C4orf17: variants seen among roughly 807,000 people sequenced by gnomAD.
C4orf17 encodes the protein chromosome 4 open reading frame 17.
A neutral mutation model predicts 32.0 loss-of-function variants in C4orf17; 25 were observed. That is an observed-to-expected ratio of 0.78 (90% CI 0.57 to 1.09). The LOEUF is 1.09. Among genes scored for constraint, C4orf17 ranks in the 50% least tolerant of loss-of-function variants. C4orf17 has a pLI of 0.00. For missense variants in C4orf17, 420 were observed against 420.0 expected (o/e 1.00, Z 0.00); for synonymous variants, 149 against 145.8 (o/e 1.02, Z -0.16).
Position 99,513,135 on chromosome 4 carries a change from T to C in C4orf17, c.54T>C (p.His18=), listed in dbSNP as rs762572541. 1.9e-6 allele frequency: 3 copies of C among 1,613,832 alleles called. No homozygotes were observed. The highest frequency in any genetic ancestry group is 2.5e-6 in the Non-Finnish European group (3 of 1,179,826). Residue 18 remains histidine, a synonymous_variant, in exon 2 of 9, where the codon CAT becomes CAC. Coordinates refer to ENST00000326581, the MANE Select transcript of C4orf17 (RefSeq NM_032149.3). ...TTCAGATCGAGGGCAAAGGCAGCCA[T>C]ATTATGGCTAGAAATGTAAGCTGCT... ...SALQIEGKGS[H]IMARNVSCFL...
intron 2 of C4orf17, among the ~76,000 whole-genome samples, chr4:99,520,432 A>G (rs1264638666): frequency 6.6e-6 from 1 of 152,134 alleles, no homozygotes; most frequent in Non-Finnish European, 1.5e-5. Flanking sequence ...TTTTTTTCCT[A>G]TGAAAAACAA....
chr4:99,517,207 AT>A lies in C4orf17; in HGVS notation c.127+4003del, dbSNP rs571943561. Among the ~76,000 whole-genome samples the A allele has an allele frequency of 3.8e-3, 572 of 152,278 alleles. 3 individuals carry two copies. The highest frequency in any genetic ancestry group is 0.027 in the Middle Eastern group (8 of 294). On this transcript the variant is annotated intron_variant, in intron 2 of 8. Transcript: ENST00000326581. ...TTCGCAAAATTCTCTTTACATTTTC[AT>A]TTTACCAGCACACGGCAGGTCTCAT... is the stretch of plus-strand genomic sequence containing the variant.
At chr4:99,536,602 AAC>A (rs1723566450) in intron 5 of C4orf17, among the ~76,000 whole-genome samples, 1 of 152,094 alleles carries the variant, frequency 6.6e-6, no homozygotes, top group African/African-American at 2.4e-5. Context: ...AGTTGACCAA[AAC>A]ACAGATATGC....
chr4:99,524,611 CTATT>C lies in C4orf17; in HGVS notation c.402+29_402+32del, dbSNP rs1578190790. The stretch of plus-strand genomic sequence containing the variant: ...GTAAGGAACAGCTATTTACTGCTAT[CTATT>C]TAGTTTGACTTCTATAAGTTCCTCT... On this transcript the variant is annotated intron_variant, in intron 4 of 8. Coordinates refer to ENST00000326581, the MANE Select transcript of C4orf17 (RefSeq NM_032149.3). The C allele has an allele frequency of 7.1e-6, 8 of 1,127,374 alleles. No individual in the cohort carries two copies. In the East Asian group the frequency reaches 2.0e-4, roughly 28 times the overall value. 69.8% of individuals were successfully genotyped at this position (1,127,374 alleles called of 1,614,324 possible).
chr4:99,522,524 C>T lies in C4orf17; in HGVS notation c.152C>T (p.Thr51Ile). 3 of 1,613,578 alleles carry T rather than the reference C, an allele frequency of 1.9e-6. No homozygotes were observed. The highest frequency in any genetic ancestry group is 2.5e-6 in the Non-Finnish European group (3 of 1,179,646). Residue 51 changes from threonine (T) to isoleucine (I), a missense_variant, in exon 3 of 9, where the codon ACT becomes ATT. Physicochemically the swap from Thr to Ile is moderately conservative, Grantham distance 89. Transcript: ENST00000326581. ...GGCTTGAATAACATTCCAATCTGTA[C>T]TGTGAATGATGATGAGAATGCATTT... is the stretch of plus-strand genomic sequence containing the variant. ...IKGLNNIPIC[T>I]VNDDENAFGT... is the part of the protein sequence containing the mutation.
chr4:99,528,298 G>T (rs1723423711), intron 4 of C4orf17, among the ~76,000 whole-genome samples: 1 of 151,872 alleles, frequency 6.6e-6, no homozygotes, highest in African/African-American at 2.4e-5. Context: ...ATGATTTTTT[G>T]ATTCTCTATG....
At chr4:99,515,816 G>T (rs1467398933) in intron 2 of C4orf17, among the ~76,000 whole-genome samples, 4 of 151,964 alleles carry the variant, frequency 2.6e-5, no homozygotes, top group African/African-American at 9.6e-5. Flanking sequence ...AAAAAGTCAT[G>T]ATACAAATAA....
intron 4 of C4orf17, among the ~76,000 whole-genome samples, chr4:99,527,165 T>C (rs1453978050): frequency 6.6e-6 from 1 of 152,178 alleles, no homozygotes; most frequent in African/African-American, 2.4e-5. Flanking sequence ...ATGGGTTACT[T>C]AAAATCATAT....
At chr4:99,528,996 AT>A (rs1723435474) in intron 4 of C4orf17, among the ~76,000 whole-genome samples, 2 of 152,160 alleles carry the variant, frequency 1.3e-5, no homozygotes, top group Non-Finnish European at 2.9e-5. Context: ...CTGTGTTACT[AT>A]TTTTCCATAA....
At position 99,522,586 on chromosome 4, in the gene C4orf17, G is replaced by C. The variant is rs774489219; in HGVS notation, c.214G>C (p.Glu72Gln). The change falls in exon 3 of 9, where the codon GAG (glutamate) becomes CAG (glutamine). Residue 72 changes from glutamate (E) to glutamine (Q), a missense_variant. Transcript: ENST00000326581. ...LWGVGQSNYLEKNRIPFANCS... is the reference protein window; with the variant it reads ...LWGVGQSNYLQKNRIPFANCS... ...GGGAGTTGGCCAGTCTAACTACTTA[G>C]AGAAGAACAGGATACCATTTGCCAA... is the stretch of plus-strand genomic sequence containing the variant. 6.2e-7 allele frequency: 1 copy of C among 1,613,984 alleles called. No individual in the cohort carries two copies. The highest frequency in any genetic ancestry group is 8.5e-7 in the Non-Finnish European group (1 of 1,179,908).
intron 2 of C4orf17, among the ~76,000 whole-genome samples, chr4:99,514,400 A>G (rs1723144172): frequency 6.6e-6 from 1 of 150,552 alleles, no homozygotes; most frequent in Admixed American, 6.6e-5. Flanking sequence ...ACTCAAACAA[A>G]TCAGCAAGAA....
In C4orf17 at chr4:99,540,362, AC is replaced by A. The variant is rs778774184; in HGVS notation, c.837-49del. 6.8e-5 allele frequency: 92 copies of A among 1,348,204 alleles called. 2 individuals carry two copies. Among genetic ancestry groups the A allele is most frequent in the South Asian group, 4.6e-4 (39 of 84,102 alleles). The allele number at this position is 1,348,204 out of a possible 1,614,324, so 83.5% of individuals were successfully genotyped here. Reference sequence around the variant, plus strand: ...GATGACAGTGTAGTCTATAGAAAATACTTTTTTGTATCTGTGAAATTCACTT... The same window carrying A: ...GATGACAGTGTAGTCTATAGAAAATATTTTTTGTATCTGTGAAATTCACTT... On this transcript the variant is annotated intron_variant, in intron 7 of 8. Transcript: ENST00000326581.
Position 99,526,122 on chromosome 4 carries a change from T to C in C4orf17, c.402+1537T>C, listed in dbSNP as rs148489397. On this transcript the variant is annotated intron_variant, in intron 4 of 8. Transcript: ENST00000326581. ...TTCAGACTTTCACCATTAAATATTA[T>C]GTTCATATTAGTGGATGACCTTTAT... Among the ~76,000 whole-genome samples the C allele has an allele frequency of 2.8e-3, 426 of 152,340 alleles. 1 individual carries two copies. Among genetic ancestry groups the C allele is most frequent in the Middle Eastern group, 6.8e-3 (2 of 294 alleles).
chr4:99,512,742 C>G (rs1035918023), intron 1 of C4orf17, among the ~76,000 whole-genome samples: 1 of 152,084 alleles, frequency 6.6e-6, no homozygotes, highest in Admixed American at 6.6e-5. Context: ...ATACTTTATA[C>G]TTTTTACAAA....
chr4:99,526,738 T>C (rs1723394480), intron 4 of C4orf17, among the ~76,000 whole-genome samples: 1 of 151,908 alleles, frequency 6.6e-6, no homozygotes, highest in African/African-American at 2.4e-5. Context: ...GCAAAGAATA[T>C]GTCCATTTCA....
chr4:99,528,266 G>A (rs1723422745), intron 4 of C4orf17, among the ~76,000 whole-genome samples: 1 of 152,000 alleles, frequency 6.6e-6, no homozygotes, highest in Non-Finnish European at 1.5e-5. Flanking sequence ...GATTTTATTA[G>A]TGTATCAAGG....
At chr4:99,520,379 G>A (rs1723266459) in intron 2 of C4orf17, among the ~76,000 whole-genome samples, 1 of 152,178 alleles carries the variant, frequency 6.6e-6, no homozygotes, top group African/African-American at 2.4e-5. Context: ...ACAGGCGTGA[G>A]CCACCGCAAC....
At chr4:99,515,870 A>G (rs1723172665) in intron 2 of C4orf17, among the ~76,000 whole-genome samples, 1 of 152,170 alleles carries the variant, frequency 6.6e-6, no homozygotes. Context: ...GAGATAGAGA[A>G]GAGAATTAGG....
intron 2 of C4orf17, among the ~76,000 whole-genome samples, chr4:99,520,958 T>A (rs1259197882): frequency 2.0e-5 from 3 of 152,244 alleles, no homozygotes; most frequent in Non-Finnish European, 4.4e-5. Context: ...GTTCATAGTG[T>A]TCTACTTAAA....
Sources: allele counts gnomAD v4.1 joint callset (sites outside exome capture counted in the v4.1 genomes callset), GRCh38; gene constraint gnomAD v4.1.1; transcripts MANE v1.5; gene names NCBI Gene and HGNC (gene_info 2026-07-23, HGNC 2026-07-21).